Variants in TBC1D30 observed in about 807,000 individuals in gnomAD.
TBC1D30 encodes the protein TBC1 domain family member 30.
A neutral mutation model predicts 63.2 loss-of-function variants in TBC1D30; 31 were observed. That is an observed-to-expected ratio of 0.49 (90% CI 0.37 to 0.66). The LOEUF is 0.66. Ranked by LOEUF, TBC1D30 falls within the 30% of genes least tolerant of loss-of-function variation. The probability of loss-of-function intolerance (pLI) is 0.00; values close to 1 mark genes in which losing one functional copy is unlikely to be tolerated. For synonymous variants in TBC1D30, 307 were observed against 361.5 expected, an observed-to-expected ratio of 0.85 and a Z score of 1.71; for missense variants, 810 against 953.6, an observed-to-expected ratio of 0.85 and a Z score of 1.98.
In TBC1D30 at chr12:64,878,669, CTG is replaced by C. The variant is rs1373982460; in HGVS notation, c.*2883_*2884del. On this transcript the variant is annotated 3_prime_UTR_variant, in exon 12 of 12. Coordinates refer to ENST00000539867, the MANE Select transcript of TBC1D30 (RefSeq NM_015279.2). ...ATTTTCTGAGTGCAAGCATGGAACA[CTG>C]TTGTGACAGTCCCTTCTCCCTTCTT... The C allele has an allele frequency of 2.5e-6, 1 of 403,694 alleles. No homozygotes were observed. The highest frequency in any genetic ancestry group is 5.0e-6 in the Non-Finnish European group (1 of 199,206). The allele number at this position is 403,694 out of a possible 1,614,324, so 25.0% of individuals were successfully genotyped here.
intron 2 of TBC1D30, among the ~76,000 whole-genome samples, chr12:64,793,489 CA>C (rs56138627): frequency 0.55 from 63,685 of 115,420 alleles, 15,660 homozygotes; most frequent in East Asian, 0.86. Context: ...ACCAAAAATA[CA>C]AAAAAAAAAA....
Position 64,878,970 on chromosome 12 carries a change from A to G in TBC1D30, c.*3182A>G, listed in dbSNP as rs1054906480. 1.3e-5 allele frequency: 2 copies of G among 155,218 alleles called. No homozygotes were observed. Among genetic ancestry groups the G allele is most frequent in the Admixed American group, 6.3e-5 (1 of 15,910 alleles). The allele number at this position is 155,218 out of a possible 1,614,324, so 9.6% of individuals were successfully genotyped here. On this transcript the variant is annotated 3_prime_UTR_variant, in exon 12 of 12. Transcript: ENST00000539867. Reference sequence around the variant, plus strand: ...AGCTGCATGGCATTAAGGATTCTGTATGAATAGATGTATAGTTGCTGCCAT... The same window carrying G: ...AGCTGCATGGCATTAAGGATTCTGTGTGAATAGATGTATAGTTGCTGCCAT...
chr12:64,764,134 G>A (rs779616660), intron 1 of TBC1D30, among the ~76,000 whole-genome samples: 1 of 152,178 alleles, frequency 6.6e-6, no homozygotes, highest in Admixed American at 6.5e-5. Context: ...AGAAAGTAGT[G>A]CCCAATAATT....
chr12:64,861,646 G>A (rs138546724), intron 8 of TBC1D30, among the ~76,000 whole-genome samples: 1 of 152,152 alleles, frequency 6.6e-6, no homozygotes. Context: ...AATTGATAGG[G>A]TAAAGAAACT....
At chr12:64,765,117 G>C (rs1026119021) in intron 1 of TBC1D30, among the ~76,000 whole-genome samples, 2 of 151,970 alleles carry the variant, frequency 1.3e-5, no homozygotes, top group Non-Finnish European at 2.9e-5. Context: ...CCAGAATAAG[G>C]CTCAACACTC....
intron 1 of TBC1D30, among the ~76,000 whole-genome samples, chr12:64,774,820 TGGTGGC>T (rs1871017671): frequency 6.6e-6 from 1 of 151,948 alleles, no homozygotes; most frequent in Non-Finnish European, 1.5e-5. Flanking sequence ...AGGCCGGGCA[TGGTGGC>T]TCATGTCTGT....
At chr12:64,811,135 A>C (rs1243646565) in intron 2 of TBC1D30, among the ~76,000 whole-genome samples, 3 of 152,228 alleles carry the variant, frequency 2.0e-5, no homozygotes, top group Non-Finnish European at 1.5e-5. Context: ...ATGTTGACTC[A>C]CTCTATCAAA....
Position 64,875,309 on chromosome 12 carries a change from G to A in TBC1D30, c.1807G>A (p.Gly603Arg). The change falls in exon 12 of 12, where the codon GGG (glycine) becomes AGG (arginine). Residue 603 changes from glycine to arginine, a missense_variant. Gly to Arg is a moderately radical substitution (Grantham distance 125, BLOSUM62 -2). Transcript: ENST00000539867. ...GCAGAACGAGGCCAGCAAGACCAATGGGCTGGGGGCAGCAGAGGCATTCCC... is the reference window on the plus strand; with the variant it reads ...GCAGAACGAGGCCAGCAAGACCAATAGGCTGGGGGCAGCAGAGGCATTCCC... ...DEQNEASKTN[G>R]LGAAEAFPSG... 4 of 1,536,282 alleles carry A rather than the reference G, an allele frequency of 2.6e-6. No homozygotes were observed. In the South Asian group the frequency reaches 4.8e-5, roughly 18 times the overall value.
At chr12:64,860,109 C>T (rs1200909242) in intron 8 of TBC1D30, among the ~76,000 whole-genome samples, 1 of 151,370 alleles carries the variant, frequency 6.6e-6, no homozygotes, top group Non-Finnish European at 1.5e-5. Context: ...TCTTGACTTC[C>T]TGGGCTCAAG....
chr12:64,816,198 A>T (rs935834468), intron 2 of TBC1D30, among the ~76,000 whole-genome samples: 2 of 152,074 alleles, frequency 1.3e-5, no homozygotes, highest in Non-Finnish European at 2.9e-5. Context: ...ACACCTGGCT[A>T]ATTTTTGTAT....
chr12:64,845,405 T>C (rs1406004941), intron 8 of TBC1D30, among the ~76,000 whole-genome samples: 1 of 151,438 alleles, frequency 6.6e-6, no homozygotes, highest in Non-Finnish European at 1.5e-5. Context: ...AGTGGCACCA[T>C]CTCAGCTCAC....
intron 2 of TBC1D30, among the ~76,000 whole-genome samples, chr12:64,792,895 A>ATG (rs1199523921): frequency 5.3e-5 from 8 of 152,184 alleles, no homozygotes; most frequent in Non-Finnish European, 1.0e-4. Context: ...TGGAATAATC[A>ATG]ACTAGGTTGG....
chr12:64,865,521 G>A (rs1047579593), intron 9 of TBC1D30, among the ~76,000 whole-genome samples: 3 of 151,980 alleles, frequency 2.0e-5, no homozygotes, highest in Non-Finnish European at 4.4e-5. Flanking sequence ...AAATAGGGAT[G>A]GATATTGCTA....
At chr12:64,873,690 T>C (rs1878829780) in intron 11 of TBC1D30, among the ~76,000 whole-genome samples, 1 of 151,888 alleles carries the variant, frequency 6.6e-6, no homozygotes, top group Non-Finnish European at 1.5e-5. Flanking sequence ...TCACATAAGG[T>C]AGAGCTGGGT....
chr12:64,804,491 G>C (rs935254469), intron 2 of TBC1D30, among the ~76,000 whole-genome samples: 1 of 152,064 alleles, frequency 6.6e-6, no homozygotes, highest in African/African-American at 2.4e-5. Context: ...TCTTTTTCCT[G>C]CCTGATTGCC....
chr12:64,853,339 C>G (rs981559143), intron 8 of TBC1D30, among the ~76,000 whole-genome samples: 1 of 152,190 alleles, frequency 6.6e-6, no homozygotes, highest in Non-Finnish European at 1.5e-5. Context: ...CGTCCCTACC[C>G]CCACCAAGCT....
At chr12:64,818,395 C>T (rs1873680234) in intron 2 of TBC1D30, 2 of 983,492 alleles carry the variant, frequency 2.0e-6, no homozygotes, top group Non-Finnish European at 2.4e-6. Context: ...ACCTTTCACA[C>T]AATCCTTGTG....
chr12:64,836,490 A>G lies in TBC1D30; in HGVS notation c.595A>G (p.Ile199Val), dbSNP rs755388607. 1 of 1,533,334 alleles carries G rather than the reference A, an allele frequency of 6.5e-7. No individual in the cohort carries two copies. The highest frequency in any genetic ancestry group is 1.2e-5 in the South Asian group (1 of 83,760). 95.0% of individuals were successfully genotyped at this position (1,533,334 alleles called of 1,614,324 possible). A position where few individuals can be genotyped will look rare whatever the true frequency, so the allele number is the denominator to read the frequency against. The change falls in exon 6 of 12, where the codon ATT becomes GTT. Residue 199 changes from isoleucine (I) to valine (V), a missense_variant and splice_region_variant. Ile to Val is a conservative substitution (Grantham distance 29). This residue lies in a region of TBC1D30 where 272 missense variants were observed against 335.9 expected (regional missense o/e 0.81). Transcript: ENST00000539867. ...TTAAGCTTTATCTTTTTTTCTTTAG[A>G]TTATGATTTACCTTATTGATAAGGT... is the stretch of plus-strand genomic sequence containing the variant. ...MEGNEGDALK[I>V]MIYLIDKVLP... is the part of the protein sequence containing the mutation.
chr12:64,849,634 A>G (rs1387230460), intron 8 of TBC1D30, among the ~76,000 whole-genome samples: 1 of 151,868 alleles, frequency 6.6e-6, no homozygotes, highest in East Asian at 1.9e-4. Context: ...TGGTTTATAT[A>G]TTTGTTTTGG....
Sources: allele counts gnomAD v4.1 joint callset (sites outside exome capture counted in the v4.1 genomes callset), GRCh38; gene constraint gnomAD v4.1.1; regional missense constraint gnomAD v4.1.1; transcripts MANE v1.5; gene names NCBI Gene and HGNC (gene_info 2026-07-23, HGNC 2026-07-21).